LARGE1: variants seen among roughly 807,000 people sequenced by gnomAD.
The protein encoded by LARGE1 is LARGE xylosyl- and glucuronyltransferase 1.
Under a neutral mutation model 87.6 loss-of-function variants are expected in LARGE1, and 43 were observed. That is an observed-to-expected ratio of 0.49 (90% CI 0.38 to 0.63). LARGE1 has a LOEUF of 0.63. Ranked by LOEUF, LARGE1 falls within the 30% of genes least tolerant of loss-of-function variation. LARGE1 has a pLI of 0.00. For synonymous variants in LARGE1, 434 were observed against 394.6 expected, an observed-to-expected ratio of 1.10 and a Z score of -1.18; for missense variants, 802 against 1,000.2, an observed-to-expected ratio of 0.80 and a Z score of 2.67.
intron 2 of LARGE1, among the ~76,000 whole-genome samples, chr22:33,651,467 T>C (rs938292882): frequency 1.4e-4 from 21 of 151,036 alleles, no homozygotes; most frequent in Non-Finnish European, 8.9e-5. Flanking sequence ...CAAACTCCTA[T>C]ACATCTTTCA....
At chr22:33,782,538 G>C (rs753504590) in intron 1 of LARGE1, among the ~76,000 whole-genome samples, 3 of 152,032 alleles carry the variant, frequency 2.0e-5, no homozygotes, top group Non-Finnish European at 2.9e-5. Flanking sequence ...GAAGAGTCAG[G>C]GCTTCATCAC....
intron 1 of LARGE1, among the ~76,000 whole-genome samples, chr22:33,789,450 CAGAGTGCCCACTG>C (rs764471518): frequency 8.5e-5 from 13 of 152,238 alleles, no homozygotes; most frequent in Non-Finnish European, 1.8e-4. Context: ...ATCCCCCACA[CAGAGTGCCCACTG>C]GGGCACTGCC....
At chr22:33,347,222 T>G (rs1939867083) in intron 9 of LARGE1, among the ~76,000 whole-genome samples, 3 of 152,240 alleles carry the variant, frequency 2.0e-5, no homozygotes, top group Non-Finnish European at 1.5e-5. Context: ...CTCTTGCAGG[T>G]AGCTCTATTA....
chr22:33,707,513 G>T (rs1469413847), intron 2 of LARGE1, among the ~76,000 whole-genome samples: 1 of 152,242 alleles, frequency 6.6e-6, no homozygotes, highest in African/African-American at 2.4e-5. Flanking sequence ...AACCAAGACT[G>T]TCCAAGCACA....
Position 33,336,508 on chromosome 22 carries a change from G to A in LARGE1, c.1287+1138C>T, listed in dbSNP as rs369284959. ...AGCCACCGCGCCTGGCCCCACAAAAGTTTTTATTCTCCATTTGACAGTTGA... is the reference window on the plus strand; with the variant it reads ...AGCCACCGCGCCTGGCCCCACAAAAATTTTTATTCTCCATTTGACAGTTGA... On this transcript the variant is annotated intron_variant, in intron 10 of 14. Coordinates refer to ENST00000397394, the MANE Select transcript of LARGE1 (RefSeq NM_133642.5). Among the ~76,000 whole-genome samples the A allele has an allele frequency of 5.9e-5, 9 of 151,946 alleles. No homozygotes were observed. In the South Asian group the frequency reaches 8.4e-4, roughly 14 times the overall value.
intron 1 of LARGE1, among the ~76,000 whole-genome samples, chr22:33,853,831 T>C (rs1010759988): frequency 8.5e-5 from 13 of 152,102 alleles, no homozygotes; most frequent in African/African-American, 3.1e-4. Flanking sequence ...ACTGAATGGA[T>C]GGAAAATAGA....
chr22:33,600,603 G>A (rs1203226942), intron 5 of LARGE1, among the ~76,000 whole-genome samples: 1 of 142,480 alleles, frequency 7.0e-6, no homozygotes, highest in Admixed American at 6.9e-5. Context: ...AGGAGGTTGG[G>A]CAACAGTTTA....
intron 2 of LARGE1, among the ~76,000 whole-genome samples, chr22:33,760,536 C>G (rs1711625986): frequency 6.6e-6 from 1 of 152,184 alleles, no homozygotes; most frequent in African/African-American, 2.4e-5. Flanking sequence ...GCGATCATTT[C>G]TTAGCCTATC....
intron 3 of LARGE1, among the ~76,000 whole-genome samples, chr22:33,628,144 T>A (rs2079985013): frequency 6.6e-6 from 1 of 152,184 alleles, no homozygotes; most frequent in African/African-American, 2.4e-5. Flanking sequence ...AGAAGCATCA[T>A]GAAAGCTAGT....
At chr22:33,541,866 T>C (rs1195117716) in intron 6 of LARGE1, among the ~76,000 whole-genome samples, 1 of 151,634 alleles carries the variant, frequency 6.6e-6, no homozygotes, top group Non-Finnish European at 1.5e-5. Flanking sequence ...ATGAGAAACA[T>C]TAAGAGCTAT....
At chr22:33,449,050 T>C (rs2067806585) in intron 6 of LARGE1, among the ~76,000 whole-genome samples, 1 of 152,234 alleles carries the variant, frequency 6.6e-6, no homozygotes, top group Non-Finnish European at 1.5e-5. Flanking sequence ...CATGATGCTT[T>C]TGAAATCCAT....
chr22:33,506,882 CAG>C (rs1281544602), intron 6 of LARGE1, among the ~76,000 whole-genome samples: 1 of 152,132 alleles, frequency 6.6e-6, no homozygotes. Flanking sequence ...GCCTGGGCGA[CAG>C]AGTTAGACTC....
chr22:33,919,158 A>G (rs1221280158), intron 1 of LARGE1, among the ~76,000 whole-genome samples: 1 of 151,720 alleles, frequency 6.6e-6, no homozygotes, highest in East Asian at 1.9e-4. Flanking sequence ...CAAGGGATGG[A>G]TTCAGTGTGC....
chr22:33,159,492 G>GA (rs948240504), downstream of LARGE1, among the ~76,000 whole-genome samples: 2 of 150,764 alleles, frequency 1.3e-5, no homozygotes, highest in African/African-American at 4.9e-5. Flanking sequence ...AATTAGGAAT[G>GA]AAAAAAATTA....
In LARGE1 at chr22:33,477,561, C is replaced by A. The variant is rs144586526; in HGVS notation, c.788-45296G>T. 2.8e-3 allele frequency among the ~76,000 whole-genome samples: 430 copies of A among 152,080 alleles called. 2 individuals are homozygous for A. Among genetic ancestry groups the A allele is most frequent in the Middle Eastern group, 0.024 (7 of 294 alleles). On this transcript the variant is annotated intron_variant, in intron 6 of 14. Transcript: ENST00000397394. ...AAAGTAGTAAAAGCGTTCAGAATACCCCCAAAGCTTGCCTGTGGTTAGACA... is the reference window on the plus strand; with the variant it reads ...AAAGTAGTAAAAGCGTTCAGAATACACCCAAAGCTTGCCTGTGGTTAGACA...
Position 33,273,757 on chromosome 22 carries a change from A to G in LARGE1, c.*670T>C, listed in dbSNP as rs1218513723. 2.5e-6 allele frequency: 1 copy of G among 398,640 alleles called. No homozygotes were observed. Among genetic ancestry groups the G allele is most frequent in the Non-Finnish European group, 4.4e-6 (1 of 226,942 alleles). The allele number at this position is 398,640 out of a possible 1,614,324, so 24.7% of individuals were successfully genotyped here. A position where few individuals can be genotyped will look rare whatever the true frequency, so the allele number is the denominator to read the frequency against. On this transcript the variant is annotated 3_prime_UTR_variant, in exon 15 of 15. Transcript: ENST00000397394. ...TGATTTTCCTTTAGAGCCTCAAAGG[A>G]TCAGATTTTCTATTTTGGATTGCCA...
rs150962350 is a variant in LARGE1 at position 33,909,929 on chromosome 22, T to C, written c.-83+10066A>G. The stretch of plus-strand genomic sequence containing the variant: ...AAAAATATATTTGTGCTTGCCAAAC[T>C]ACCCTCCCTTAATCCTTCCATTCAG... On this transcript the variant is annotated intron_variant, in intron 1 of 14. Transcript: ENST00000397394. 1.2e-3 allele frequency among the ~76,000 whole-genome samples: 183 copies of C among 152,258 alleles called. 1 individual carries two copies. The highest frequency in any genetic ancestry group is 4.3e-3 in the African/African-American group (177 of 41,546).
At chr22:33,915,035 A>G (rs1366046212) in intron 1 of LARGE1, among the ~76,000 whole-genome samples, 1 of 122,494 alleles carries the variant, frequency 8.2e-6, no homozygotes, top group East Asian at 2.8e-4. Flanking sequence ...ACACACACAC[A>G]CACACACAGA....
At chr22:33,903,926 G>T (rs1317006990) in intron 1 of LARGE1, among the ~76,000 whole-genome samples, 1 of 152,208 alleles carries the variant, frequency 6.6e-6, no homozygotes, top group Non-Finnish European at 1.5e-5. Context: ...TATCCTAGCA[G>T]GGAAAGTGTT....
Sources: gnomAD v4.1 joint callset for allele counts (sites outside exome capture counted in the v4.1 genomes callset) on GRCh38, gnomAD v4.1.1 for gene constraint, MANE v1.5 for transcripts, NCBI Gene and HGNC (gene_info 2026-07-23, HGNC 2026-07-21) for gene names.